The following ZSWIM2 variants were observed in gnomAD, a reference collection of about 807,000 sequenced individuals.
ZSWIM2 encodes the protein zinc finger SWIM-type containing 2, also known as E3 ubiquitin-protein ligase ZSWIM2.
A neutral mutation model predicts 48.4 loss-of-function variants in ZSWIM2; 38 were observed. The ratio of observed to expected loss-of-function variants is 0.79; its 90% CI spans 0.61 to 1.03. The LOEUF is 1.03. Among genes scored for constraint, ZSWIM2 ranks in the 50% least tolerant of loss-of-function variants. The pLI is 0.00. For synonymous variants in ZSWIM2, 240 were observed against 251.3 expected, an observed-to-expected ratio of 0.96 and a Z score of 0.42; for missense variants, 776 against 730.2, an observed-to-expected ratio of 1.06 and a Z score of -0.72.
At chr2:186,839,692 T>TA (rs1691867667) in intron 3 of ZSWIM2, among the ~76,000 whole-genome samples, 1 of 151,734 alleles carries the variant, frequency 6.6e-6, no homozygotes. Flanking sequence ...CGTGTCTCAT[T>TA]AGTCTTATCC....
In ZSWIM2 at chr2:186,828,542, A is replaced by G; in HGVS notation, c.1344T>C (p.Asn448=). ...LGILPSIPQC[N]FDELNTPQSP... ...TTTGAGGTGTATTCAATTCATCAAA[A>G]TTACACTGAGGTATGCTAGGTAAAA... The change falls in exon 9 of 9, where the codon AAT becomes AAC. Residue 448 remains asparagine (N), a synonymous_variant. Coordinates refer to ENST00000295131, the MANE Select transcript of ZSWIM2 (RefSeq NM_182521.3). 1.2e-6 allele frequency: 2 copies of G among 1,613,504 alleles called. No individual in the cohort carries two copies. Among genetic ancestry groups the G allele is most frequent in the Non-Finnish European group, 1.7e-6 (2 of 1,179,652 alleles).
intron 5 of ZSWIM2, 131 bp downstream of exon 5, chr2:186,837,175 C>T: frequency 1.1e-6 from 1 of 888,020 alleles, no homozygotes; most frequent in Non-Finnish European, 1.7e-6. Context: ...CCTAAATAAG[C>T]AGTCGTCACA....
chr2:186,828,570 C>G lies in ZSWIM2; in HGVS notation c.1316G>C (p.Gly439Ala). The G allele has an allele frequency of 6.2e-7, 1 of 1,612,832 alleles. No homozygotes were observed. The highest frequency in any genetic ancestry group is 1.3e-5 in the African/African-American group (1 of 74,942). Residue 439 changes from glycine to alanine, a missense_variant, in exon 9 of 9, where the codon GGA becomes GCA. Gly to Ala is a moderately conservative substitution (Grantham distance 60). Transcript: ENST00000295131. ...ACACTGAGGTATGCTAGGTAAAATT[C>G]CAAGTCTATTTTGTTTTAAGACTAA... The part of the protein sequence containing the change: ...TGLVLKQNRL[G>A]ILPSIPQCNF...
At chr2:186,840,521 C>T (rs972927910) in intron 3 of ZSWIM2, among the ~76,000 whole-genome samples, 2 of 151,616 alleles carry the variant, frequency 1.3e-5, no homozygotes, top group African/African-American at 4.8e-5. Flanking sequence ...ATATGAGATG[C>T]TCTAAATAAT....
At chr2:186,835,557 A>G (rs1323828895) in intron 5 of ZSWIM2, among the ~76,000 whole-genome samples, 2 of 152,190 alleles carry the variant, frequency 1.3e-5, no homozygotes, top group African/African-American at 4.8e-5. Context: ...CAATACATCA[A>G]AGTATGCTGG....
chr2:186,847,829 G>T, intron 1 of ZSWIM2, 34 bp from the exon 2 acceptor site: 1 of 1,531,018 alleles, frequency 6.5e-7, no homozygotes, highest in Non-Finnish European at 8.9e-7. Context: ...AAAAAGACCA[G>T]TAAAATTTGA....
At chr2:186,833,900 C>A in intron 6 of ZSWIM2, 46 bp downstream of exon 6, 1 of 1,470,544 alleles carries the variant, frequency 6.8e-7, no homozygotes, top group Non-Finnish European at 9.5e-7. Context: ...AGCTCTACAA[C>A]AGGACAAATA....
intron 2 of ZSWIM2, among the ~76,000 whole-genome samples, chr2:186,845,409 A>G (rs545526630): frequency 2.0e-4 from 30 of 151,552 alleles, no homozygotes; most frequent in African/African-American, 6.7e-4. Context: ...TATTTTAAAT[A>G]TAATCATAAT....
chr2:186,834,607 C>A (rs1691761834), intron 5 of ZSWIM2, among the ~76,000 whole-genome samples: 1 of 152,100 alleles, frequency 6.6e-6, no homozygotes, highest in East Asian at 1.9e-4. Flanking sequence ...AACCATCCCC[C>A]AATAACCCCC....
chr2:186,832,794 T>C (rs185034446), intron 7 of ZSWIM2, among the ~76,000 whole-genome samples: 30 of 152,278 alleles, frequency 2.0e-4, no homozygotes, highest in Admixed American at 8.5e-4. Flanking sequence ...TTTATTGTGT[T>C]TGTTAACTCA....
At position 186,828,324 on chromosome 2, in the gene ZSWIM2, T is replaced by A. The variant is rs748836676; in HGVS notation, c.1562A>T (p.Asn521Ile). 6.2e-7 allele frequency: 1 copy of A among 1,613,746 alleles called. No individual in the cohort carries two copies. The highest frequency in any genetic ancestry group is 1.1e-5 in the South Asian group (1 of 91,064). ...TTCCATTGCAGTGGGACACACAATA[T>A]TCTTATGAACAATAGGAGGAAGCAG... Reference protein sequence around the residue: ...QTLLPPIVHKNIVCPTAMESP... With the variant: ...QTLLPPIVHKIIVCPTAMESP... The change falls in exon 9 of 9, where the codon AAT becomes ATT. Residue 521 changes from asparagine to isoleucine, a missense_variant. Coordinates refer to ENST00000295131, the MANE Select transcript of ZSWIM2 (RefSeq NM_182521.3).
At chr2:186,846,007 T>C (rs192156486) in intron 2 of ZSWIM2, among the ~76,000 whole-genome samples, 1 of 151,964 alleles carries the variant, frequency 6.6e-6, no homozygotes, top group Admixed American at 6.6e-5. Flanking sequence ...AAGACCTAAA[T>C]GTGAGACCTT....
At chr2:186,833,366 T>C in intron 6 of ZSWIM2, 134 bp from the exon 7 acceptor site, 2 of 475,984 alleles carry the variant, frequency 4.2e-6, no homozygotes, top group Non-Finnish European at 7.3e-6. Context: ...TTTTTCAACA[T>C]GTTAAAGTAC....
At chr2:186,846,808 C>CAGATATATATAT (rs1264213432) in intron 2 of ZSWIM2, among the ~76,000 whole-genome samples, 1 of 50,236 alleles carries the variant, frequency 2.0e-5, no homozygotes, top group African/African-American at 5.4e-5. Context: ...CACACACACA[C>CAGATATATATAT]ACATATATAT....
chr2:186,836,514 T>C (rs1254541093), intron 5 of ZSWIM2, among the ~76,000 whole-genome samples: 3 of 152,076 alleles, frequency 2.0e-5, no homozygotes, highest in Non-Finnish European at 4.4e-5. Context: ...TGATAATGTT[T>C]TACGGTTTTA....
chr2:186,844,872 G>A, intron 2 of ZSWIM2, 115 bp from the exon 3 acceptor site: 1 of 898,104 alleles, frequency 1.1e-6, no homozygotes, highest in Non-Finnish European at 1.6e-6. Context: ...TATGGAAAGT[G>A]TTATGAATAA....
chr2:186,833,253 T>C (rs1691736228), intron 6 of ZSWIM2, 21 bp from the exon 7 acceptor site: 2 of 1,241,068 alleles, frequency 1.6e-6, no homozygotes, highest in East Asian at 5.2e-5. Flanking sequence ...TAAAAGTAGA[T>C]GTTACTTTGC....
At position 186,828,134 on chromosome 2, in the gene ZSWIM2, G is replaced by T. The variant is rs539678724; in HGVS notation, c.1752C>A (p.Ser584Arg). 5 of 1,613,342 alleles carry T rather than the reference G, an allele frequency of 3.1e-6. No individual in the cohort carries two copies. In the South Asian group the frequency reaches 3.3e-5, roughly 11 times the overall value. ...PEDFNLIVNW[S>R]TAKLSLSKRY... is the part of the protein sequence containing the mutation. ...TTTTAGACAAACTAAGTTTAGCTGT[G>T]CTCCAATTGACAATAAGATTGAAAT... The change falls in exon 9 of 9, where the codon AGC becomes AGA. Residue 584 changes from serine to arginine, a missense_variant. Physicochemically the swap from Ser to Arg is moderately radical, Grantham distance 110. Transcript: ENST00000295131.
At position 186,828,758 on chromosome 2, in the gene ZSWIM2, G is replaced by A; in HGVS notation, c.1128C>T (p.Phe376=). ...CAATAGGGCATGAATTGCACTTGTG[G>A]AATAACCAGTTGTCAATACACTTCC... ...FHRKCIDNWL[F]HKCNSCPIDG... is the part of the protein sequence containing the mutation. The change falls in exon 9 of 9, where the codon TTC becomes TTT. Residue 376 remains phenylalanine, a synonymous_variant. Coordinates refer to ENST00000295131, the MANE Select transcript of ZSWIM2 (RefSeq NM_182521.3). 1.3e-6 allele frequency: 2 copies of A among 1,589,196 alleles called. No homozygotes were observed. The highest frequency in any genetic ancestry group is 1.7e-6 in the Non-Finnish European group (2 of 1,167,860).
Sources: gnomAD v4.1 joint callset for allele counts (sites outside exome capture counted in the v4.1 genomes callset) on GRCh38, gnomAD v4.1.1 for gene constraint, MANE v1.5 for transcripts, NCBI Gene and HGNC (gene_info 2026-07-23, HGNC 2026-07-21) for gene names.